The following ZNF326 variants were observed in gnomAD, a reference collection of about 807,000 sequenced individuals.
The protein encoded by ZNF326 is DBIRD complex subunit ZNF326.
In ZNF326, 30 loss-of-function variants were observed where a neutral mutation model predicts 63.1. That is an observed-to-expected ratio of 0.48 (90% CI 0.36 to 0.64). The LOEUF is 0.64. Ranked by LOEUF, ZNF326 falls within the 30% of genes least tolerant of loss-of-function variation. ZNF326 has a pLI of 0.00. For missense variants in ZNF326, 609 were observed against 720.3 expected (o/e 0.85, Z 1.77); for synonymous variants, 194 against 228.2 (o/e 0.85, Z 1.35).
rs1252176702 is a variant in ZNF326 at position 90,010,231 on chromosome 1, C to T, written c.759C>T (p.Ile253=). 1.3e-5 allele frequency: 21 copies of T among 1,613,850 alleles called. No individual in the cohort carries two copies. Among genetic ancestry groups the T allele is most frequent in the Non-Finnish European group, 1.8e-5 (21 of 1,179,828 alleles). The part of the protein sequence containing the change: ...QPFNKPSGTF[I]KKPKLAKPME... ...TTAATAAGCCCAGTGGAACCTTTAT[C>T]AAGAAACCCAAACTAGCAAAACCTA... Residue 253 remains isoleucine, a synonymous_variant, in exon 6 of 12, where the codon ATC becomes ATT. Transcript: ENST00000340281.
At chr1:90,004,098 A>G (rs533526812) in intron 2 of ZNF326, among the ~76,000 whole-genome samples, 57 of 151,136 alleles carry the variant, frequency 3.8e-4, no homozygotes, top group African/African-American at 1.3e-3. Flanking sequence ...TGATTTTGTT[A>G]CCTCTTTTGT....
At chr1:90,001,162 CTAG>C (rs1316794546) in intron 2 of ZNF326, among the ~76,000 whole-genome samples, 1 of 152,116 alleles carries the variant, frequency 6.6e-6, no homozygotes, top group Non-Finnish European at 1.5e-5. Flanking sequence ...CATCTGCCCC[CTAG>C]TTGTGACAAC....
intron 4 of ZNF326, among the ~76,000 whole-genome samples, chr1:90,006,832 A>T (rs1469306867): frequency 6.6e-6 from 1 of 152,200 alleles, no homozygotes; most frequent in Non-Finnish European, 1.5e-5. Flanking sequence ...TACAGACACA[A>T]TGAAGCAGTT....
intron 7 of ZNF326, among the ~76,000 whole-genome samples, chr1:90,013,483 TAAAAA>T (rs1283821775): frequency 6.6e-6 from 1 of 152,208 alleles, no homozygotes; most frequent in Non-Finnish European, 1.5e-5. Context: ...ACAGTATTCT[TAAAAA>T]GAAACACTTG....
rs576504739 is a variant in ZNF326, at chr1:90,005,470, A to G, written c.209+226A>G. Reference sequence around the variant, plus strand: ...CCAGATAACTATATCATGTCAATATAATAGAGTAAGATACACTTTTTAGCA... The same window carrying G: ...CCAGATAACTATATCATGTCAATATGATAGAGTAAGATACACTTTTTAGCA... On this transcript the variant is annotated intron_variant, in intron 4 of 11. Coordinates refer to ENST00000340281, the MANE Select transcript of ZNF326 (RefSeq NM_182976.4). 88 of 1,213,316 alleles carry G rather than the reference A, an allele frequency of 7.3e-5. 1 individual carries two copies. In the East Asian group the frequency reaches 3.1e-3, roughly 43 times the overall value. The allele number at this position is 1,213,316 out of a possible 1,614,324, so 75.2% of individuals were successfully genotyped here.
intron 8 of ZNF326, among the ~76,000 whole-genome samples, chr1:90,018,005 A>G (rs771697466): frequency 6.6e-6 from 1 of 152,168 alleles, no homozygotes; most frequent in African/African-American, 2.4e-5. Flanking sequence ...TAAAAATACA[A>G]TGATCAGGCC....
At chr1:90,006,719 C>T (rs1430469472) in intron 4 of ZNF326, among the ~76,000 whole-genome samples, 1 of 152,104 alleles carries the variant, frequency 6.6e-6, no homozygotes, top group African/African-American at 2.4e-5. Context: ...ATTTTCTAGT[C>T]TACAAGTAAA....
chr1:90,005,544 T>A, intron 4 of ZNF326: 1 of 962,578 alleles, frequency 1.0e-6, no homozygotes, highest in Non-Finnish European at 1.3e-6. Context: ...TCAATCAAAG[T>A]ATCCTGAAAA....
intron 1 of ZNF326, among the ~76,000 whole-genome samples, chr1:89,995,663 C>G (rs1648325552): frequency 6.6e-6 from 1 of 152,258 alleles, no homozygotes; most frequent in African/African-American, 2.4e-5. Context: ...CACAGGGCAG[C>G]GACCCAGACC....
chr1:90,007,274 ATTTGTCTT>A lies in ZNF326; in HGVS notation c.210-68_210-61del. The A allele has an allele frequency of 7.0e-7, 1 of 1,425,480 alleles. No homozygotes were observed. Among genetic ancestry groups the A allele is most frequent in the Non-Finnish European group, 9.5e-7 (1 of 1,052,850 alleles). 88.3% of individuals were successfully genotyped at this position (1,425,480 alleles called of 1,614,324 possible). ...TTTAGTTGATAAATGTCATCTGATA[ATTTGTCTT>A]TTGAATTGTCTAACATTAGTAAGCT... is the stretch of plus-strand genomic sequence containing the variant. On this transcript the variant is annotated intron_variant, in intron 4 of 11. Transcript: ENST00000340281. The surrounding 1 kb of genome is among the most constrained non-coding windows in gnomAD (Gnocchi z 4.9).
At position 90,027,791 on chromosome 1, in the gene ZNF326, C is replaced by A; in HGVS notation, c.*90C>A. 8.1e-7 allele frequency: 1 copy of A among 1,241,234 alleles called. No individual in the cohort carries two copies. Among genetic ancestry groups the A allele is most frequent in the Non-Finnish European group, 1.2e-6 (1 of 863,580 alleles). 76.9% of individuals were successfully genotyped at this position (1,241,234 alleles called of 1,614,324 possible). A position where few individuals can be genotyped will look rare whatever the true frequency, so the allele number is the denominator to read the frequency against. ...TTTAATAGCTTAAAATATGAATTAA[C>A]ACCCATGTTGCATGCATTCCACATA... On this transcript the variant is annotated 3_prime_UTR_variant, in exon 12 of 12. Coordinates refer to ENST00000340281, the MANE Select transcript of ZNF326 (RefSeq NM_182976.4).
chr1:90,022,540 CTT>C (rs888095153), intron 11 of ZNF326, among the ~76,000 whole-genome samples, 195 bp downstream of exon 11: 32 of 152,250 alleles, frequency 2.1e-4, no homozygotes, highest in African/African-American at 7.2e-4. Flanking sequence ...TGATTCCTCT[CTT>C]ATCACCTTTG....
rs147231898 is a variant in ZNF326, at chr1:90,020,869, C to T, written c.1252C>T (p.His418Tyr). ...SACSVYIPAL[H>Y]SSVQQHLKSP... Reference sequence around the variant, plus strand: ...TTGCAGTGTTTATATCCCTGCTTTACATAGTTCAGTTCAGCAGCACTTAAA... The same window carrying T: ...TTGCAGTGTTTATATCCCTGCTTTATATAGTTCAGTTCAGCAGCACTTAAA... The change falls in exon 10 of 12, where the codon CAT becomes TAT. Residue 418 changes from histidine (H) to tyrosine (Y), a missense_variant. By Grantham distance (83) the His-to-Tyr change is moderately conservative. Around this residue, in one of 3 missense-constraint regions of ZNF326, gnomAD observed 399 missense variants for 444.3 expected, o/e 0.90. Coordinates refer to ENST00000340281, the MANE Select transcript of ZNF326 (RefSeq NM_182976.4). 2 of 1,613,116 alleles carry T rather than the reference C, an allele frequency of 1.2e-6. No individual in the cohort carries two copies. Among genetic ancestry groups the T allele is most frequent in the African/African-American group, 2.7e-5 (2 of 74,856 alleles).
intron 2 of ZNF326, among the ~76,000 whole-genome samples, chr1:90,001,512 T>G (rs1184408180): frequency 6.6e-6 from 1 of 152,000 alleles, no homozygotes; most frequent in Admixed American, 6.6e-5. Context: ...ACTCAAGACT[T>G]AATGTCACAT....
At chr1:90,008,025 GCA>G (rs1649069962) in intron 5 of ZNF326, among the ~76,000 whole-genome samples, 1 of 152,176 alleles carries the variant, frequency 6.6e-6, no homozygotes, top group African/African-American at 2.4e-5. Flanking sequence ...AAAAGGAGTT[GCA>G]TTTTCCTTGT....
chr1:90,011,527 T>G (rs1439876333), intron 6 of ZNF326, among the ~76,000 whole-genome samples: 3 of 151,294 alleles, frequency 2.0e-5, no homozygotes, highest in African/African-American at 7.3e-5. Context: ...TTTTTTTTTT[T>G]TTTTTTTTTT....
chr1:90,029,680 A>G lies in ZNF326; in HGVS notation c.*1979A>G, dbSNP rs999942828. On this transcript the variant is annotated 3_prime_UTR_variant, in exon 12 of 12. Transcript: ENST00000340281. ...TGAAACTTTTGGGAAGAAAACCATT[A>G]TGTAACAAGAATCCTATGTAACAAC... 1 of 152,216 alleles carries G rather than the reference A, an allele frequency of 6.6e-6. No homozygotes were observed. The highest frequency in any genetic ancestry group is 1.5e-5 in the Non-Finnish European group (1 of 68,030). The allele number at this position is 152,216 out of a possible 1,614,324, so 9.4% of individuals were successfully genotyped here. A position where few individuals can be genotyped will look rare whatever the true frequency, so the allele number is the denominator to read the frequency against.
intron 4 of ZNF326, among the ~76,000 whole-genome samples, chr1:90,006,915 ATT>A (rs1649018871): frequency 6.6e-6 from 1 of 152,218 alleles, no homozygotes. Flanking sequence ...GTAGACTTCA[ATT>A]TGTGTCCCTA....
intron 2 of ZNF326, among the ~76,000 whole-genome samples, chr1:90,000,390 A>G (rs1281508903): frequency 6.6e-6 from 1 of 152,162 alleles, no homozygotes; most frequent in Non-Finnish European, 1.5e-5. Flanking sequence ...TACCTTTTAC[A>G]TAAATAGCAT....
Sources: gnomAD v4.1 joint callset for allele counts (sites outside exome capture counted in the v4.1 genomes callset) on GRCh38, gnomAD v4.1.1 for gene constraint, gnomAD v4.1.1 regional missense constraint, Gnocchi (gnomAD v3.1) non-coding constraint, MANE v1.5 for transcripts, NCBI Gene and HGNC (gene_info 2026-07-23, HGNC 2026-07-21) for gene names.